MAP2K4: variants seen among roughly 807,000 people sequenced by gnomAD.
MAP2K4 encodes dual specificity mitogen-activated protein kinase kinase 4.
A neutral mutation model predicts 48.5 loss-of-function variants in MAP2K4; 4 were observed. The observed-to-expected ratio is 0.08, with a 90% CI of 0.04 to 0.19. MAP2K4 has a LOEUF of 0.19. Among genes scored for constraint, MAP2K4 ranks in the 10% least tolerant of loss-of-function variants. The pLI is 1.00. For synonymous variants in MAP2K4, 166 were observed against 173.1 expected (o/e 0.96, Z 0.32); for missense variants, 258 against 493.3 (o/e 0.52, Z 4.52).
At chr17:12,066,736 C>A (rs903168624) in intron 2 of MAP2K4, among the ~76,000 whole-genome samples, 6 of 152,136 alleles carry the variant, frequency 3.9e-5, no homozygotes, top group African/African-American at 1.4e-4. Context: ...GTCGCCCAGG[C>A]GGGAGTGCTG....
chr17:12,079,173 A>G (rs1448988043), intron 2 of MAP2K4, among the ~76,000 whole-genome samples: 1 of 152,170 alleles, frequency 6.6e-6, no homozygotes, highest in Non-Finnish European at 1.5e-5. Context: ...TGTGCATCTG[A>G]CACCTTATTC....
chr17:12,103,747 A>G (rs1004134924), intron 4 of MAP2K4, among the ~76,000 whole-genome samples: 6 of 152,082 alleles, frequency 3.9e-5, no homozygotes, highest in African/African-American at 1.4e-4. Context: ...ATTTAAGTAA[A>G]TGGAATCCTA....
chr17:12,103,120 A>G (rs1250086267), intron 4 of MAP2K4, among the ~76,000 whole-genome samples: 1 of 150,664 alleles, frequency 6.6e-6, no homozygotes, highest in Non-Finnish European at 1.5e-5. Context: ...GCTCAACCCA[A>G]CCTTGAACTC....
At chr17:12,034,689 T>C (rs954319971) in intron 1 of MAP2K4, among the ~76,000 whole-genome samples, 6 of 152,198 alleles carry the variant, frequency 3.9e-5, no homozygotes, top group African/African-American at 1.4e-4. Flanking sequence ...ATTACATAAG[T>C]GTTCAACCAC....
At chr17:12,086,997 C>G (rs1441128776) in intron 3 of MAP2K4, among the ~76,000 whole-genome samples, 1 of 152,212 alleles carries the variant, frequency 6.6e-6, no homozygotes, top group East Asian at 1.9e-4. Flanking sequence ...AAGGCACGCA[C>G]CACCACACCC....
chr17:12,095,337 C>T (rs1971699654), intron 3 of MAP2K4: 1 of 504,638 alleles, frequency 2.0e-6, no homozygotes, highest in South Asian at 2.1e-5. Context: ...AGTAAATGCT[C>T]ATGGTTAAAT....
intron 3 of MAP2K4, among the ~76,000 whole-genome samples, chr17:12,085,649 A>G (rs530887660): frequency 1.1e-4 from 17 of 151,974 alleles, no homozygotes; most frequent in African/African-American, 3.1e-4. Flanking sequence ...GATTCCTGCA[A>G]TCCTGCCTCT....
intron 10 of MAP2K4, 65 bp downstream of exon 10, chr17:12,139,949 T>A (rs2151598869): frequency 8.6e-7 from 1 of 1,158,732 alleles, no homozygotes; most frequent in Non-Finnish European, 1.2e-6. Flanking sequence ...ACATGCTGGT[T>A]CACTAAGCAA....
rs1597511709 is a variant in MAP2K4 at position 12,141,679 on chromosome 17, GGGCTTGAGT to G, written c.*421_*429del. Reference sequence around the variant, plus strand: ...GTACTATGTCTGAACATAGAAACTCGGGCTTGAGTGAGAAGAGCTTGCACAGCCAACGAG... The same window carrying G: ...GTACTATGTCTGAACATAGAAACTCGGAGAAGAGCTTGCACAGCCAACGAG... On this transcript the variant is annotated 3_prime_UTR_variant, in exon 11 of 11. Coordinates refer to ENST00000353533, the MANE Select transcript of MAP2K4 (RefSeq NM_003010.4). 23 of 243,762 alleles carry G rather than the reference GGGCTTGAGT, an allele frequency of 9.4e-5. No individual in the cohort carries two copies. The East Asian group carries it at 1.3e-3, about 14-fold the overall frequency. 15.1% of individuals were successfully genotyped at this position (243,762 alleles called of 1,614,324 possible).
chr17:12,127,550 C>G (rs991614778), intron 8 of MAP2K4, among the ~76,000 whole-genome samples: 4 of 152,108 alleles, frequency 2.6e-5, no homozygotes, highest in Non-Finnish European at 4.4e-5. Context: ...AAAAGGTATT[C>G]TGTACTTACA....
chr17:12,104,216 A>AGTTCAGCTATCAT (rs1219545766), intron 4 of MAP2K4, among the ~76,000 whole-genome samples: 1 of 152,182 alleles, frequency 6.6e-6, no homozygotes, highest in Non-Finnish European at 1.5e-5. Context: ...TGGCTCCTAG[A>AGTTCAGCTATCAT]GTTCAGCTAT....
intron 7 of MAP2K4, 75 bp downstream of exon 7, chr17:12,113,435 A>G (rs1972373564): frequency 6.5e-7 from 1 of 1,527,800 alleles, no homozygotes; most frequent in Admixed American, 1.8e-5. Flanking sequence ...GCTGGCCATT[A>G]GTCATACGGT....
chr17:12,094,288 T>C (rs966788611), intron 3 of MAP2K4, among the ~76,000 whole-genome samples: 5 of 152,324 alleles, frequency 3.3e-5, no homozygotes, highest in Admixed American at 1.3e-4. Context: ...GTTTGGAATA[T>C]ATGGAATTCC....
chr17:12,068,555 A>G (rs1004116626), intron 2 of MAP2K4, among the ~76,000 whole-genome samples: 2 of 152,090 alleles, frequency 1.3e-5, no homozygotes, highest in Non-Finnish European at 2.9e-5. Flanking sequence ...AGATGATGAC[A>G]AGGAGGAAGG....
intron 1 of MAP2K4, among the ~76,000 whole-genome samples, chr17:12,051,827 G>A (rs1567634274): frequency 2.0e-5 from 3 of 151,356 alleles, no homozygotes; most frequent in African/African-American, 7.3e-5. Context: ...TTTTTTTGAG[G>A]GACCCTTGAA....
At chr17:12,106,126 C>G (rs768278551) in intron 4 of MAP2K4, among the ~76,000 whole-genome samples, 2 of 151,658 alleles carry the variant, frequency 1.3e-5, no homozygotes, top group Admixed American at 1.3e-4. Context: ...TTTTTTTTTC[C>G]GCTTTGCTAT....
At chr17:12,049,061 T>C (rs1452697217) in intron 1 of MAP2K4, among the ~76,000 whole-genome samples, 1 of 152,210 alleles carries the variant, frequency 6.6e-6, no homozygotes, top group Admixed American at 6.5e-5. Context: ...ACCACTTTAT[T>C]TCCTCATTTC....
intron 1 of MAP2K4, among the ~76,000 whole-genome samples, chr17:12,042,410 G>A (rs1473891475): frequency 6.6e-6 from 1 of 152,082 alleles, no homozygotes. Context: ...GTGTGCCCTG[G>A]AGGGTGGAGA....
At chr17:12,111,818 G>T (rs1454090342) in intron 6 of MAP2K4, among the ~76,000 whole-genome samples, 1 of 63,896 alleles carries the variant, frequency 1.6e-5, no homozygotes, top group Non-Finnish European at 3.7e-5. Context: ...CCAAAGATGG[G>T]GTGGCTCAAA....
Sources: gnomAD v4.1 joint callset for allele counts (sites outside exome capture counted in the v4.1 genomes callset) on GRCh38, gnomAD v4.1.1 for gene constraint, MANE v1.5 for transcripts, NCBI Gene and HGNC (gene_info 2026-07-23, HGNC 2026-07-21) for gene names.